The following LPA variants were observed in gnomAD, a reference collection of about 807,000 sequenced individuals.
LPA encodes the protein lipoprotein(a).
In LPA, 199 loss-of-function variants were observed where a neutral mutation model predicts 197.9. That is an observed-to-expected ratio of 1.01 (90% CI 0.90 to 1.13). The LOEUF is 1.13. Ranked by LOEUF, LPA falls within the 50% of genes most tolerant of loss-of-function variation. The pLI is 0.00. For synonymous variants in LPA, 715 were observed against 639.5 expected (o/e 1.12, Z -1.78); for missense variants, 1,853 against 1,785.8 (o/e 1.04, Z -0.68).
intron 17 of LPA, among the ~76,000 whole-genome samples, chr6:160,605,703 C>A (rs1779335025): frequency 6.6e-6 from 1 of 152,120 alleles, no homozygotes. Flanking sequence ...GCTTCTGGGC[C>A]ATGGGAGAGA....
intron 1 of LPA, among the ~76,000 whole-genome samples, chr6:160,653,959 ATATATATTATATATAATATATAATATAT>A (rs1780054841): frequency 3.3e-5 from 1 of 29,852 alleles, no homozygotes; most frequent in African/African-American, 1.4e-4. Flanking sequence ...ATTATATATA[ATATATATTATATATAATATATAATATAT>A]AATATATATT....
chr6:160,632,049 T>C, intron 8 of LPA, among the ~76,000 whole-genome samples: 1 of 151,072 alleles, frequency 6.6e-6, no homozygotes, highest in East Asian at 1.9e-4. Flanking sequence ...TTCTCTAGAA[T>C]TGTGTGTTGG....
chr6:160,565,197 G>A (rs1289296908), intron 28 of LPA, among the ~76,000 whole-genome samples: 1 of 152,206 alleles, frequency 6.6e-6, no homozygotes, highest in Non-Finnish European at 1.5e-5. Flanking sequence ...CAGAGAGTTT[G>A]AGATCTGAGA....
chr6:160,612,509 A>G (rs62441705), intron 15 of LPA, among the ~76,000 whole-genome samples: 390 of 1,480 alleles, frequency 0.26, 193 homozygotes, highest in South Asian at 1. Context: ...TTTCTCGAGG[A>G]TGACAGGCTC....
chr6:160,586,419 G>C (rs530511710), intron 25 of LPA, 30 bp downstream of exon 25: 1 of 1,611,040 alleles, frequency 6.2e-7, no homozygotes, highest in Admixed American at 1.7e-5. Flanking sequence ...AATGTCCGAG[G>C]GTATGGTTGT....
At chr6:160,559,165 C>G (rs1192630581) in intron 28 of LPA, among the ~76,000 whole-genome samples, 25 of 152,196 alleles carry the variant, frequency 1.6e-4, no homozygotes, top group Non-Finnish European at 5.9e-5. Flanking sequence ...CTCTTGAGTC[C>G]CTACCCAATT....
intron 34 of LPA, among the ~76,000 whole-genome samples, chr6:160,541,994 T>A (rs920560291): frequency 1.3e-5 from 2 of 152,160 alleles, no homozygotes; most frequent in African/African-American, 4.8e-5. Flanking sequence ...GAACAGCAAT[T>A]GAGCACAGGT....
intron 1 of LPA, among the ~76,000 whole-genome samples, chr6:160,660,504 G>A (rs41269854): frequency 0.017 from 2,645 of 151,818 alleles, 67 homozygotes; most frequent in African/African-American, 0.059. Flanking sequence ...GCCATGTCAT[G>A]ATAAAAAAAA....
intron 26 of LPA, among the ~76,000 whole-genome samples, chr6:160,584,241 TCC>T (rs1491437537): frequency 6.8e-4 from 55 of 80,580 alleles, no homozygotes; most frequent in African/African-American, 1.8e-3. Context: ...TTCTTCTTCC[TCC>T]TCCTCCTCCT....
intron 24 of LPA, among the ~76,000 whole-genome samples, chr6:160,588,771 G>A (rs989044095): frequency 6.6e-6 from 1 of 152,116 alleles, no homozygotes; most frequent in Non-Finnish European, 1.5e-5. Context: ...GGCTCCATCT[G>A]CTTGTCCTTC....
chr6:160,576,690 G>GTGTATATATATATATATATATA (rs869225354), intron 28 of LPA, among the ~76,000 whole-genome samples: 1 of 76,680 alleles, frequency 1.3e-5, no homozygotes, highest in Admixed American at 1.5e-4. Context: ...GTGTGTGTGT[G>GTGTATATATATATATATATATA]TATATATATA....
intron 1 of LPA, among the ~76,000 whole-genome samples, chr6:160,659,130 A>C (rs1452371612): frequency 2.6e-5 from 4 of 152,146 alleles, no homozygotes; most frequent in Non-Finnish European, 1.5e-5. Context: ...CCAGCACAGG[A>C]GAAAGATGTA....
intron 30 of LPA, among the ~76,000 whole-genome samples, chr6:160,553,639 T>G (rs1241489319): frequency 6.6e-6 from 1 of 152,182 alleles, no homozygotes; most frequent in Non-Finnish European, 1.5e-5. Flanking sequence ...CCTTGTTATC[T>G]TTGATGTTGG....
intron 28 of LPA, among the ~76,000 whole-genome samples, chr6:160,570,209 A>C (rs1164910563): frequency 6.6e-6 from 1 of 152,246 alleles, no homozygotes; most frequent in Admixed American, 6.5e-5. Flanking sequence ...GGCACTATTC[A>C]CAATAGCAAA....
chr6:160,586,884 G>A (rs1023404564), intron 24 of LPA, among the ~76,000 whole-genome samples: 1 of 152,166 alleles, frequency 6.6e-6, no homozygotes, highest in African/African-American at 2.4e-5. Flanking sequence ...ACATCAATGT[G>A]TACCAGAAAG....
chr6:160,541,338 G>T (rs116089584), intron 34 of LPA, among the ~76,000 whole-genome samples, 157 bp from the exon 35 acceptor site: 2,775 of 152,332 alleles, frequency 0.018, 44 homozygotes, highest in Non-Finnish European at 0.029. Context: ...GAAACTTCGA[G>T]CTGTGCTCCA....
At position 160,653,997 on chromosome 6, in the gene LPA, T is replaced by TTA. The variant is rs1562354614; in HGVS notation, c.50-3501_50-3500insTA. Reference sequence around the variant, plus strand: ...ATAATATATAATATATAATATATATTATATATAATATATATTATATATAAT... The same window carrying TTA: ...ATAATATATAATATATAATATATATTTAATATATAATATATATTATATATAAT... On this transcript the variant is annotated intron_variant, in intron 1 of 38. Transcript: ENST00000316300. Among the ~76,000 whole-genome samples, 8 of 10,842 alleles carry TTA rather than the reference T, an allele frequency of 7.4e-4. No individual in the cohort carries two copies. In the East Asian group the frequency reaches 0.016, roughly 22 times the overall value. 7.1% of individuals were successfully genotyped at this position (10,842 alleles called of 152,430 possible).
chr6:160,576,793 A>G (rs1173581519), intron 28 of LPA, among the ~76,000 whole-genome samples: 1 of 150,384 alleles, frequency 6.6e-6, no homozygotes, highest in African/African-American at 2.4e-5. Flanking sequence ...ATTGAAATTT[A>G]GAATGACAGA....
At chr6:160,650,963 G>A (rs1289834109) in intron 1 of LPA, among the ~76,000 whole-genome samples, 1 of 152,108 alleles carries the variant, frequency 6.6e-6, no homozygotes, top group African/African-American at 2.4e-5. Flanking sequence ...GGAGAAAAAT[G>A]GTTTTGCATC....
Sources: allele counts gnomAD v4.1 joint callset (sites outside exome capture counted in the v4.1 genomes callset), GRCh38; gene constraint gnomAD v4.1.1; transcripts MANE v1.5; gene names NCBI Gene and HGNC (gene_info 2026-07-23, HGNC 2026-07-21).